DENND2B: variants seen among roughly 807,000 people sequenced by gnomAD.
The protein encoded by DENND2B is DENN domain containing 2B.
A neutral mutation model predicts 116.0 loss-of-function variants in DENND2B; 32 were observed. The observed-to-expected ratio is 0.28, with a 90% CI of 0.21 to 0.37. The LOEUF is 0.37. Ranked by LOEUF, DENND2B falls within the 10% of genes least tolerant of loss-of-function variation. The pLI, the probability that DENND2B is intolerant of heterozygous loss-of-function variation, is 1.00. For missense variants in DENND2B, 1,276 were observed against 1,477.7 expected, an observed-to-expected ratio of 0.86 and a Z score of 2.24; for synonymous variants, 588 against 583.9, an observed-to-expected ratio of 1.01 and a Z score of -0.10.
intron 1 of DENND2B, among the ~76,000 whole-genome samples, chr11:8,754,486 C>T (rs746872773): frequency 3.9e-5 from 6 of 152,158 alleles, no homozygotes; most frequent in Non-Finnish European, 8.8e-5. Flanking sequence ...TGTAAAATGG[C>T]ACAGCCACTC....
At chr11:8,769,367 A>G (rs985709515) in intron 1 of DENND2B, among the ~76,000 whole-genome samples, 1 of 151,404 alleles carries the variant, frequency 6.6e-6, no homozygotes, top group African/African-American at 2.4e-5. Context: ...CCTCCTGAGT[A>G]GCTGGGATGA....
chr11:8,899,079 A>C (rs189628268), intron 1 of DENND2B, among the ~76,000 whole-genome samples: 1 of 152,330 alleles, frequency 6.6e-6, no homozygotes, highest in Non-Finnish European at 1.5e-5. Context: ...AATTCACTAG[A>C]GGGGCTCAAG....
intron 1 of DENND2B, chr11:8,766,719 A>T: frequency 3.1e-6 from 4 of 1,270,816 alleles, no homozygotes; most frequent in Non-Finnish European, 4.1e-6. Context: ...TGTTGGTGAC[A>T]TCACAGCTGT....
chr11:8,746,826 G>A (rs560172399), intron 2 of DENND2B, among the ~76,000 whole-genome samples: 25 of 152,306 alleles, frequency 1.6e-4, no homozygotes, highest in Admixed American at 4.6e-4. Flanking sequence ...GGAAGGGAAT[G>A]TGTTGGGATA....
At position 8,877,685 on chromosome 11, in the gene DENND2B, T is replaced by C. The variant is rs147174446; in HGVS notation, c.-156+3325A>G. 4.0e-3 allele frequency among the ~76,000 whole-genome samples: 603 copies of C among 152,352 alleles called. 2 individuals are homozygous for C. The highest frequency in any genetic ancestry group is 0.02 in the Middle Eastern group (6 of 294). ...TGAATTCACTGAATTTTACCCAACA[T>C]GCATCCCTGAAACCAGACTTGTGAA... On this transcript the variant is annotated intron_variant, in intron 2 of 22. Coordinates refer to the DENND2B transcript ENST00000534127.
intron 4 of DENND2B, among the ~76,000 whole-genome samples, chr11:8,829,749 A>T (rs193164985): frequency 3.3e-5 from 5 of 152,090 alleles, no homozygotes; most frequent in Admixed American, 6.6e-5. Flanking sequence ...CCGCCCCACC[A>T]CTAAATAGCT....
At chr11:8,871,871 A>G (rs188480171), upstream of DENND2B, among the ~76,000 whole-genome samples, 1 of 152,366 alleles carries the variant, frequency 6.6e-6, no homozygotes, top group Admixed American at 6.5e-5. Context: ...TCAACTTGGA[A>G]AAGAAAAATG....
At chr11:8,741,186 G>C (rs1016911984) in intron 2 of DENND2B, among the ~76,000 whole-genome samples, 1 of 152,302 alleles carries the variant, frequency 6.6e-6, no homozygotes, top group African/African-American at 2.4e-5. Context: ...TCAGAGTTAC[G>C]TGAAAGGTAG....
chr11:8,861,400 T>C (rs1044061762), intron 2 of DENND2B, among the ~76,000 whole-genome samples: 3 of 151,962 alleles, frequency 2.0e-5, no homozygotes, highest in Non-Finnish European at 2.9e-5. Flanking sequence ...AAAGAAGATA[T>C]ACAAATAGCC....
At chr11:8,750,997 G>T (rs915511784) in intron 1 of DENND2B, among the ~76,000 whole-genome samples, 1 of 151,930 alleles carries the variant, frequency 6.6e-6, no homozygotes, top group Non-Finnish European at 1.5e-5. Context: ...ACACCAATCA[G>T]CACCCTATGT....
intron 2 of DENND2B, among the ~76,000 whole-genome samples, chr11:8,862,573 G>C (rs2063433313): frequency 1.3e-5 from 2 of 152,066 alleles, no homozygotes; most frequent in Non-Finnish European, 2.9e-5. Flanking sequence ...GAGCTCAAGA[G>C]ATCCACCTGC....
At chr11:8,805,742 G>A (rs757392122) in intron 1 of DENND2B, among the ~76,000 whole-genome samples, 9 of 152,184 alleles carry the variant, frequency 5.9e-5, no homozygotes, top group Non-Finnish European at 1.0e-4. Flanking sequence ...CAGAGTGGGG[G>A]AGAGAGGGGA....
At chr11:8,786,371 A>G (rs1194449651) in intron 1 of DENND2B, among the ~76,000 whole-genome samples, 1 of 152,220 alleles carries the variant, frequency 6.6e-6, no homozygotes, top group Non-Finnish European at 1.5e-5. Context: ...AAAAAGTAAA[A>G]ATTACTATTA....
intron 4 of DENND2B, among the ~76,000 whole-genome samples, chr11:8,836,005 G>A (rs61876203): frequency 2.0e-5 from 3 of 151,928 alleles, no homozygotes; most frequent in Non-Finnish European, 2.9e-5. Flanking sequence ...CATCCTCATC[G>A]GGGATGTAGG....
intron 1 of DENND2B, among the ~76,000 whole-genome samples, chr11:8,801,135 G>A (rs1375484465): frequency 2.6e-5 from 4 of 151,702 alleles, no homozygotes; most frequent in African/African-American, 9.7e-5. Context: ...CCCTATCCCT[G>A]TTGTTCATAC....
At chr11:8,854,796 T>TCGA (rs1209322088) in intron 3 of DENND2B, among the ~76,000 whole-genome samples, 37 of 152,084 alleles carry the variant, frequency 2.4e-4, no homozygotes, top group Non-Finnish European at 4.3e-4. Context: ...CACTGCAACC[T>TCGA]CTTCCACCCA....
chr11:8,901,970 G>A (rs1165092002), intron 1 of DENND2B, among the ~76,000 whole-genome samples: 1 of 152,140 alleles, frequency 6.6e-6, no homozygotes, highest in Non-Finnish European at 1.5e-5. Flanking sequence ...TGTCAAGGTG[G>A]CTGACAGTAT....
chr11:8,765,758 C>T (rs895723101), intron 1 of DENND2B, among the ~76,000 whole-genome samples: 2 of 152,062 alleles, frequency 1.3e-5, no homozygotes, highest in African/African-American at 2.4e-5. Flanking sequence ...CTACTTAAGG[C>T]CAGGCACAGT....
In DENND2B at chr11:8,886,725, G is replaced by A. The variant is rs577937612; in HGVS notation, c.-255-5616C>T. Among the ~76,000 whole-genome samples the A allele has an allele frequency of 1.5e-4, 23 of 151,528 alleles. No individual in the cohort carries two copies. The South Asian group carries it at 4.0e-3, about 26-fold the overall frequency. ...CACTTTTAACATACATGAACATCAC[G>A]GCTCAACAAACATGTACTCAATACA... is the stretch of plus-strand genomic sequence containing the variant. On this transcript the variant is annotated intron_variant, in intron 1 of 22. Transcript: ENST00000534127.
Sources: allele counts gnomAD v4.1 joint callset (sites outside exome capture counted in the v4.1 genomes callset), GRCh38; gene constraint gnomAD v4.1.1; transcripts MANE v1.5; gene names NCBI Gene and HGNC (gene_info 2026-07-23, HGNC 2026-07-21).